Variants in ITGB1 observed in about 807,000 individuals in gnomAD.
ITGB1 encodes integrin subunit beta 1, also known as integrin beta-1.
ITGB1 carries 24 observed loss-of-function variants against 86.5 expected under a neutral mutation model. That is an observed-to-expected ratio of 0.28 (90% CI 0.20 to 0.39). The LOEUF is 0.39. ITGB1 is among the 10% of genes least tolerant of loss of function. The pLI is 1.00. For missense variants in ITGB1, 556 were observed against 946.9 expected (o/e 0.59, Z 5.42); for synonymous variants, 323 against 316.8 (o/e 1.02, Z -0.21).
intron 11 of ITGB1, among the ~76,000 whole-genome samples, chr10:32,917,572 G>A (rs1393003118): frequency 6.6e-6 from 1 of 152,180 alleles, no homozygotes; most frequent in African/African-American, 2.4e-5. Flanking sequence ...CATTTATGCA[G>A]CCAACAGACA....
intron 12 of ITGB1, 48 bp downstream of exon 12, chr10:32,911,838 G>A: frequency 6.6e-7 from 1 of 1,515,300 alleles, no homozygotes; most frequent in Non-Finnish European, 9.0e-7. Flanking sequence ...ATTTTTCGTG[G>A]CATTAGATGG....
intron 9 of ITGB1, among the ~76,000 whole-genome samples, 187 bp from the exon 10 acceptor site, chr10:32,920,572 TA>T (rs2094946227): frequency 6.6e-6 from 1 of 152,164 alleles, no homozygotes; most frequent in African/African-American, 2.4e-5. Flanking sequence ...ATCAAATCTT[TA>T]AAATAAAATA....
At chr10:32,945,086 TG>T in intron 1 of ITGB1, 1 of 446,852 alleles carries the variant, frequency 2.2e-6, no homozygotes, top group South Asian at 2.4e-5. Context: ...ACCTCCAGCA[TG>T]TATGAATTCT....
chr10:32,908,369 G>A lies in ITGB1; in HGVS notation c.2330C>T (p.Thr777Met), dbSNP rs1188493444. The change falls in exon 15 of 16, where the codon ACG becomes ATG. Residue 777 changes from threonine to methionine, a missense_variant and splice_region_variant. Physicochemically the swap from Thr to Met is moderately conservative, Grantham distance 81. This residue lies in a region of ITGB1 where 18 missense variants were observed against 75.2 expected (regional missense o/e 0.24). Coordinates refer to ENST00000302278, the MANE Select transcript of ITGB1 (RefSeq NM_002211.4). The stretch of plus-strand genomic sequence containing the variant: ...CTTTTTGGATGTTTTGTAACTTACC[G>A]TGTCCCATTTGGCATTCATTTTCTC... Reference protein sequence around the residue: ...EKEKMNAKWDTGENPIYKSAV... With the variant: ...EKEKMNAKWDMGENPIYKSAV... 6 of 1,613,686 alleles carry A rather than the reference G, an allele frequency of 3.7e-6. No individual in the cohort carries two copies. The highest frequency in any genetic ancestry group is 1.1e-5 in the South Asian group (1 of 91,068).
chr10:32,907,220 G>GGA (rs1299503345), intron 15 of ITGB1: 2 of 477,538 alleles, frequency 4.2e-6, no homozygotes, highest in East Asian at 7.9e-5. Context: ...CACTATAAAT[G>GGA]TCTTTTTTTT....
At chr10:32,917,212 G>T (rs2094934594) in intron 11 of ITGB1, among the ~76,000 whole-genome samples, 1 of 151,974 alleles carries the variant, frequency 6.6e-6, no homozygotes, top group Non-Finnish European at 1.5e-5. Flanking sequence ...TAAAGACTTA[G>T]ATGTCAGACC....
At chr10:32,916,724 C>T (rs564032571) in intron 11 of ITGB1, among the ~76,000 whole-genome samples, 2 of 152,208 alleles carry the variant, frequency 1.3e-5, no homozygotes, top group African/African-American at 4.8e-5. Context: ...ATTCCATGCT[C>T]ATGGATAGGA....
chr10:32,910,119 C>T, intron 14 of ITGB1, 104 bp downstream of exon 14: 1 of 787,220 alleles, frequency 1.3e-6, no homozygotes, highest in Non-Finnish European at 2.0e-6. Flanking sequence ...CCAACTTGAC[C>T]TAAAATATTC....
At chr10:32,957,360 T>C (rs925235761) in intron 1 of ITGB1, among the ~76,000 whole-genome samples, 42 of 152,166 alleles carry the variant, frequency 2.8e-4, no homozygotes, top group African/African-American at 9.4e-4. Context: ...AAAATGATAC[T>C]AGACACAGGC....
chr10:32,922,660 C>A lies in ITGB1; in HGVS notation c.1018G>T (p.Glu340Ter). 1.3e-6 allele frequency: 2 copies of A among 1,596,522 alleles called. No homozygotes were observed. The highest frequency in any genetic ancestry group is 2.2e-5 in the East Asian group (1 of 44,610). Residue 340 changes from glutamate to a stop codon, truncating the protein, a stop_gained, in exon 8 of 16, where the codon GAA becomes TAA. Coordinates refer to ENST00000302278, the MANE Select transcript of ITGB1 (RefSeq NM_002211.4). LOFTEE classifies it high-confidence loss of function. ...TTTACCTTGTAAACAGGCTGAAATT[C>A]TTCAGTAACTGCAAAAATTGTCTGA... ...NIQTIFAVTE[E>*]FQPVYKELKN... is the part of the protein sequence containing the mutation.
At chr10:32,916,941 ATAC>A in intron 11 of ITGB1, among the ~76,000 whole-genome samples, 1 of 152,342 alleles carries the variant, frequency 6.6e-6, no homozygotes, top group South Asian at 2.1e-4. Flanking sequence ...ACTTCAAACT[ATAC>A]TACAAGGCTA....
Position 32,936,812 on chromosome 10 carries a change from T to C in ITGB1, c.1-1254A>G, listed in dbSNP as rs1187319314. Among the ~76,000 whole-genome samples the C allele has an allele frequency of 2.6e-5, 4 of 152,182 alleles. No individual in the cohort carries two copies. The East Asian group carries it at 7.7e-4, about 29-fold the overall frequency. ...AATCTAATAATTATATATAAGTATC[T>C]GTCCCTCCACAAGAAGAAATACTCA... On this transcript the variant is annotated intron_variant, in intron 1 of 15. Transcript: ENST00000302278.
At chr10:32,907,078 A>AG in intron 15 of ITGB1, 1 of 1,357,816 alleles carries the variant, frequency 7.4e-7, no homozygotes, top group Non-Finnish European at 9.8e-7. Context: ...TTTAGAGACC[A>AG]GCTTTACGTC....
chr10:32,911,796 C>G (rs2094914308), intron 12 of ITGB1, 90 bp downstream of exon 12: 4 of 1,418,616 alleles, frequency 2.8e-6, no homozygotes, highest in African/African-American at 1.4e-5. Context: ...TCAAGCTACC[C>G]CTTTTCTACT....
At chr10:32,950,707 GA>G (rs2095040941) in intron 1 of ITGB1, among the ~76,000 whole-genome samples, 1 of 152,056 alleles carries the variant, frequency 6.6e-6, no homozygotes, top group African/African-American at 2.4e-5. Context: ...CCACCCAGAA[GA>G]AAAATGGCTT....
At chr10:32,915,769 A>C (rs1197484582) in intron 11 of ITGB1, among the ~76,000 whole-genome samples, 1 of 152,216 alleles carries the variant, frequency 6.6e-6, no homozygotes, top group African/African-American at 2.4e-5. Flanking sequence ...TTCTGAAACT[A>C]TTCCAATCAA....
intron 15 of ITGB1, 93 bp from the exon 16 acceptor site, chr10:32,901,728 T>C: frequency 1.3e-6 from 1 of 761,212 alleles, no homozygotes; most frequent in Admixed American, 2.7e-5. Flanking sequence ...GTTGCAATCA[T>C]CTTAAGAAGT....
intron 15 of ITGB1, among the ~76,000 whole-genome samples, chr10:32,903,220 C>A (rs553177078): frequency 2.6e-5 from 4 of 151,364 alleles, no homozygotes; most frequent in Admixed American, 2.6e-4. Flanking sequence ...GGTGTGGTGG[C>A]GGGTGCCTGT....
chr10:32,922,350 C>A lies in ITGB1; in HGVS notation c.1039-4G>T, dbSNP rs199516122. ...TAGGGATCAAGTTTTTCAGCTCCTG[C>A]AATTAAAAGATAAAACACGTAAAAT... On this transcript the variant is annotated splice_region_variant and splice_polypyrimidine_tract_variant and intron_variant, in intron 8 of 15. Transcript: ENST00000302278. 1.9e-6 allele frequency: 3 copies of A among 1,593,274 alleles called. No individual in the cohort carries two copies. Among genetic ancestry groups the A allele is most frequent in the African/African-American group, 1.3e-5 (1 of 74,298 alleles).
Sources: allele counts gnomAD v4.1 joint callset (sites outside exome capture counted in the v4.1 genomes callset), GRCh38; gene constraint gnomAD v4.1.1; regional missense constraint gnomAD v4.1.1; transcripts MANE v1.5; gene names NCBI Gene and HGNC (gene_info 2026-07-23, HGNC 2026-07-21).